HS6ST2: variants seen among roughly 807,000 people sequenced by gnomAD.
HS6ST2 encodes heparan-sulfate 6-O-sulfotransferase 2.
Under a neutral mutation model 33.0 loss-of-function variants are expected in HS6ST2, and 17 were observed. The ratio of observed to expected loss-of-function variants is 0.52; its 90% CI spans 0.35 to 0.77. The LOEUF (loss-of-function observed/expected upper bound fraction) is 0.77, where lower values mean the gene tolerates loss of function less well. Ranked by LOEUF, HS6ST2 falls within the 30% of genes least tolerant of loss-of-function variation. HS6ST2 has a pLI of 0.01. For missense variants in HS6ST2, 519 were observed against 551.7 expected (o/e 0.94, Z 0.59); for synonymous variants, 248 against 237.1 (o/e 1.05, Z -0.42).
intron 2 of HS6ST2, among the ~76,000 whole-genome samples, chrX:132,932,523 C>T (rs867952902): frequency 9.0e-6 from 1 of 111,227 alleles, no homozygotes; most frequent in Non-Finnish European, 1.9e-5. Context: ...AAATACACAA[C>T]CCAGTGAAGG....
intron 2 of HS6ST2, among the ~76,000 whole-genome samples, chrX:132,740,754 G>C (rs2064565037): frequency 9.1e-6 from 1 of 110,207 alleles, no homozygotes; most frequent in South Asian, 3.9e-4. Context: ...GCTCCTACCT[G>C]CCAAGACTAG....
chrX:132,628,570 C>T lies in HS6ST2; in HGVS notation c.1591G>A (p.Ala531Thr). The T allele has an allele frequency of 1.7e-6, 2 of 1,211,294 alleles. No homozygotes were observed. The highest frequency in any genetic ancestry group is 2.2e-6 in the Non-Finnish European group (2 of 895,309). ...NFLDMELYSYAKDLFLQRYQF... is the reference protein window; with the variant it reads ...NFLDMELYSYTKDLFLQRYQF... ...TACCTCTGCAAAAAAAGGTCTTTGG[C>T]ATAGCTGTACAACTCCATATCCAGA... is the stretch of plus-strand genomic sequence containing the variant. The change falls in exon 5 of 5, where the codon GCC (alanine) becomes ACC (threonine). Residue 531 changes from alanine to threonine, a missense_variant. By Grantham distance (58) the Ala-to-Thr change is moderately conservative. Coordinates refer to ENST00000370833, the MANE Select transcript of HS6ST2 (RefSeq NM_001394073.1).
At chrX:132,913,953 G>A (rs1265598957) in intron 2 of HS6ST2, among the ~76,000 whole-genome samples, 1 of 111,432 alleles carries the variant, frequency 9.0e-6, no homozygotes, top group Non-Finnish European at 1.9e-5. Flanking sequence ...GGCATATGAC[G>A]GCTGATTAAC....
At chrX:132,873,632 T>TTAA (rs950232065) in intron 2 of HS6ST2, among the ~76,000 whole-genome samples, 1 of 111,794 alleles carries the variant, frequency 8.9e-6, no homozygotes, top group Non-Finnish European at 1.9e-5. Context: ...ATCTGGGTCT[T>TTAA]ATTAATCACT....
chrX:132,784,123 A>T (rs1332358025), intron 2 of HS6ST2, among the ~76,000 whole-genome samples: 1 of 111,285 alleles, frequency 9.0e-6, no homozygotes, highest in East Asian at 2.8e-4. Context: ...AAGCGGATGG[A>T]TGAGCAGAGC....
intron 2 of HS6ST2, among the ~76,000 whole-genome samples, chrX:132,922,978 G>A (rs1439739220): frequency 2.8e-5 from 3 of 105,286 alleles, no homozygotes; most frequent in Non-Finnish European, 5.8e-5. Flanking sequence ...CATGAGAATC[G>A]CTTGAGCCTG....
At chrX:132,635,964 G>A (rs1322265555) in intron 4 of HS6ST2, among the ~76,000 whole-genome samples, 2 of 110,562 alleles carry the variant, frequency 1.8e-5, no homozygotes, top group African/African-American at 6.6e-5. Context: ...TGTCTCCTCC[G>A]CGAAACCTTC....
At chrX:132,878,253 G>A (rs1253790813) in intron 2 of HS6ST2, among the ~76,000 whole-genome samples, 2 of 111,907 alleles carry the variant, frequency 1.8e-5, no homozygotes, top group African/African-American at 3.2e-5. Flanking sequence ...GAATACCAGG[G>A]CCACCACACA....
chrX:132,714,140 A>G (rs1278474085), intron 2 of HS6ST2, among the ~76,000 whole-genome samples: 1 of 111,322 alleles, frequency 9.0e-6, no homozygotes, highest in Non-Finnish European at 1.9e-5. Context: ...AATATAGCAC[A>G]AGGTAACAGA....
At chrX:132,808,018 G>A (rs2065302179) in intron 2 of HS6ST2, among the ~76,000 whole-genome samples, 1 of 111,986 alleles carries the variant, frequency 8.9e-6, no homozygotes, top group Non-Finnish European at 1.9e-5. Context: ...TTACTTCCAA[G>A]CTAGATGTGT....
chrX:132,937,947 A>G (rs2066842806), intron 2 of HS6ST2, among the ~76,000 whole-genome samples: 1 of 109,436 alleles, frequency 9.1e-6, no homozygotes, highest in Non-Finnish European at 1.9e-5. Flanking sequence ...GGACCTCCTG[A>G]GCGCAGGAGT....
intron 3 of HS6ST2, among the ~76,000 whole-genome samples, chrX:132,670,208 C>T (rs1225479711): frequency 1.8e-5 from 2 of 111,389 alleles, no homozygotes; most frequent in Admixed American, 9.6e-5. Context: ...TAGAACCTTC[C>T]AGTGGCAAAG....
chrX:132,813,721 C>T (rs2065370870), intron 2 of HS6ST2, among the ~76,000 whole-genome samples: 1 of 104,221 alleles, frequency 9.6e-6, no homozygotes. Flanking sequence ...ATATGTGTCC[C>T]CTCCTCTCCA....
At chrX:132,645,380 T>C (rs1412785759) in intron 4 of HS6ST2, among the ~76,000 whole-genome samples, 1 of 112,754 alleles carries the variant, frequency 8.9e-6, no homozygotes, top group African/African-American at 3.2e-5. Context: ...GGATACCTAT[T>C]CCTTTCTGCT....
chrX:132,852,866 T>C (rs1447357513), intron 2 of HS6ST2, among the ~76,000 whole-genome samples: 2 of 112,193 alleles, frequency 1.8e-5, no homozygotes, highest in African/African-American at 3.2e-5. Context: ...ACACAGCTGA[T>C]GGCCCCAGGC....
intron 4 of HS6ST2, among the ~76,000 whole-genome samples, chrX:132,647,381 T>C (rs1569477160): frequency 9.0e-6 from 1 of 111,497 alleles, no homozygotes; most frequent in Non-Finnish European, 1.9e-5. Context: ...TGCTCCACTG[T>C]CTCTTAGTTT....
intron 2 of HS6ST2, among the ~76,000 whole-genome samples, chrX:132,941,740 G>T (rs1353544693): frequency 9.0e-6 from 1 of 111,300 alleles, no homozygotes. Context: ...CACCCATATG[G>T]CGATAAATAT....
At chrX:132,871,769 G>A (rs2066061132) in intron 2 of HS6ST2, among the ~76,000 whole-genome samples, 1 of 107,897 alleles carries the variant, frequency 9.3e-6, no homozygotes, top group African/African-American at 3.4e-5. Flanking sequence ...TAACTCACGG[G>A]GGCCTGTTGG....
intron 2 of HS6ST2, among the ~76,000 whole-genome samples, chrX:132,720,788 T>A (rs1602609191): frequency 9.3e-6 from 1 of 107,179 alleles, no homozygotes; most frequent in South Asian, 4.0e-4. Flanking sequence ...TATACTTGTA[T>A]CAGACAAAAT....
Sources: gnomAD v4.1 joint callset for allele counts (sites outside exome capture counted in the v4.1 genomes callset) on GRCh38, gnomAD v4.1.1 for gene constraint, MANE v1.5 for transcripts, NCBI Gene and HGNC (gene_info 2026-07-23, HGNC 2026-07-21) for gene names.